Variants in ZBTB7C observed in about 807,000 individuals in gnomAD.
The protein encoded by ZBTB7C is zinc finger and BTB domain-containing protein 7C.
A neutral mutation model predicts 25.7 loss-of-function variants in ZBTB7C; 8 were observed. That is an observed-to-expected ratio of 0.31 (90% CI 0.18 to 0.56). The LOEUF (loss-of-function observed/expected upper bound fraction) is 0.56. ZBTB7C is among the 20% of genes least tolerant of loss of function. The pLI, the probability that ZBTB7C is intolerant of heterozygous loss-of-function variation, is 0.91. For synonymous variants in ZBTB7C, 394 were observed against 369.0 expected, an observed-to-expected ratio of 1.07 and a Z score of -0.78; for missense variants, 824 against 855.2, an observed-to-expected ratio of 0.96 and a Z score of 0.46.
intron 3 of ZBTB7C, among the ~76,000 whole-genome samples, chr18:48,131,639 T>C (rs1303373655): frequency 6.6e-6 from 1 of 152,110 alleles, no homozygotes; most frequent in Non-Finnish European, 1.5e-5. Flanking sequence ...CAGCATGAAA[T>C]AGAGTACTCA....
At chr18:48,224,577 G>A (rs375178514) in intron 2 of ZBTB7C, among the ~76,000 whole-genome samples, 1 of 152,142 alleles carries the variant, frequency 6.6e-6, no homozygotes, top group Non-Finnish European at 1.5e-5. Flanking sequence ...GCAAACCATG[G>A]TAAGAACAGA....
chr18:48,411,254 G>A (rs62086554), upstream of ZBTB7C, among the ~76,000 whole-genome samples: 1 of 112,606 alleles, frequency 8.9e-6, no homozygotes, highest in Non-Finnish European at 2.2e-5. Context: ...TTCCTACTAA[G>A]TAAATTTCAC....
intron 2 of ZBTB7C, among the ~76,000 whole-genome samples, chr18:48,248,349 C>A (rs893330582): frequency 1.3e-5 from 2 of 152,180 alleles, no homozygotes; most frequent in Non-Finnish European, 2.9e-5. Context: ...AGTGAGAGAA[C>A]AAACTAATAC....
At chr18:48,199,199 G>A (rs868466065) in intron 2 of ZBTB7C, among the ~76,000 whole-genome samples, 1 of 152,108 alleles carries the variant, frequency 6.6e-6, no homozygotes, top group African/African-American at 2.4e-5. Flanking sequence ...CCACAATGAT[G>A]TGCCCCGTTG....
chr18:48,290,806 C>T (rs2045205488), intron 2 of ZBTB7C, among the ~76,000 whole-genome samples: 2 of 152,230 alleles, frequency 1.3e-5, no homozygotes, highest in Admixed American at 1.3e-4. Context: ...AAAGCCACCC[C>T]TCCTGCCACC....
chr18:48,325,709 T>C (rs2046202024), intron 2 of ZBTB7C, among the ~76,000 whole-genome samples: 1 of 152,198 alleles, frequency 6.6e-6, no homozygotes, highest in Admixed American at 6.5e-5. Context: ...ACAGTGTGCA[T>C]AACATCATTT....
chr18:48,180,618 G>C (rs907660380), intron 3 of ZBTB7C: 3 of 307,272 alleles, frequency 9.8e-6, no homozygotes, highest in Non-Finnish European at 1.9e-5. Flanking sequence ...GCCAGACAAG[G>C]GCAAGTAAGT....
chr18:48,079,730 G>A (rs534770482), intron 3 of ZBTB7C, among the ~76,000 whole-genome samples: 13 of 152,226 alleles, frequency 8.5e-5, no homozygotes, highest in Non-Finnish European at 1.6e-4. Flanking sequence ...GCTCCAGCCC[G>A]CTGGAAAGGC....
chr18:48,090,939 C>T (rs1054199598), intron 3 of ZBTB7C, among the ~76,000 whole-genome samples: 2 of 152,020 alleles, frequency 1.3e-5, no homozygotes, highest in African/African-American at 4.8e-5. Context: ...ACAGAACTGT[C>T]CAATAGAAAT....
intron 3 of ZBTB7C, among the ~76,000 whole-genome samples, chr18:48,159,944 C>G (rs1465946053): frequency 1.3e-5 from 2 of 152,228 alleles, no homozygotes; most frequent in African/African-American, 2.4e-5. Context: ...CGCAGGATGA[C>G]AAGAACCCCT....
At chr18:48,075,206 G>A (rs976564015) in intron 3 of ZBTB7C, among the ~76,000 whole-genome samples, 6 of 152,202 alleles carry the variant, frequency 3.9e-5, no homozygotes, top group Admixed American at 1.3e-4. Context: ...AATGTGCTGG[G>A]TAGATGGCAC....
At chr18:48,362,245 TC>T (rs1301517922) in intron 1 of ZBTB7C, among the ~76,000 whole-genome samples, 4 of 152,168 alleles carry the variant, frequency 2.6e-5, no homozygotes, top group African/African-American at 9.7e-5. Context: ...GAGCTGACAG[TC>T]CCTTTTCTCC....
chr18:48,367,196 TATATATAC>T (rs1286471867), intron 1 of ZBTB7C, among the ~76,000 whole-genome samples: 4 of 57,472 alleles, frequency 7.0e-5, no homozygotes, highest in African/African-American at 6.7e-5. Flanking sequence ...TATATATATA[TATATATAC>T]ACACACACAC....
intron 3 of ZBTB7C, among the ~76,000 whole-genome samples, chr18:48,062,863 G>A (rs1192993118): frequency 6.6e-6 from 1 of 152,232 alleles, no homozygotes; most frequent in Non-Finnish European, 1.5e-5. Context: ...AGAAAGCTCA[G>A]CTTGAGCTCT....
intron 3 of ZBTB7C, among the ~76,000 whole-genome samples, chr18:48,083,234 A>G (rs2144499424): frequency 6.6e-6 from 1 of 152,274 alleles, no homozygotes; most frequent in Non-Finnish European, 1.5e-5. Context: ...CAAACTATCC[A>G]TAATAGAGCA....
intron 2 of ZBTB7C, among the ~76,000 whole-genome samples, chr18:48,229,871 T>C (rs2043206176): frequency 6.6e-6 from 1 of 152,042 alleles, no homozygotes; most frequent in Non-Finnish European, 1.5e-5. Flanking sequence ...GAACAAGGCT[T>C]TCCTTTTGGC....
chr18:48,245,500 A>AAG (rs1248485062), intron 2 of ZBTB7C, among the ~76,000 whole-genome samples: 2 of 58,936 alleles, frequency 3.4e-5, no homozygotes, highest in Non-Finnish European at 6.8e-5. Context: ...ACACCAAAAA[A>AAG]AAAAAAAGAA....
At chr18:48,125,963 G>C (rs752101523) in intron 3 of ZBTB7C, among the ~76,000 whole-genome samples, 1 of 152,206 alleles carries the variant, frequency 6.6e-6, no homozygotes, top group Non-Finnish European at 1.5e-5. Context: ...GAGCTGGCAT[G>C]CTGGCGGCAG....
At position 48,279,417 on chromosome 18, in the gene ZBTB7C, C is replaced by T. The variant is rs546873400; in HGVS notation, c.-79+58757G>A. On this transcript the variant is annotated intron_variant, in intron 2 of 4. Coordinates refer to ENST00000590800, the MANE Select transcript of ZBTB7C (RefSeq NM_001318841.2). ...CACACAAAGCTTCAGGCAAGTCTGG[C>T]ATCCCCTCACATTTGGCTTTAGGCA... is the stretch of plus-strand genomic sequence containing the variant. 2.0e-5 allele frequency among the ~76,000 whole-genome samples: 3 copies of T among 152,354 alleles called. No individual in the cohort carries two copies. In the East Asian group the frequency reaches 5.8e-4, roughly 29 times the overall value.
Sources: gnomAD v4.1 joint callset for allele counts (sites outside exome capture counted in the v4.1 genomes callset) on GRCh38, gnomAD v4.1.1 for gene constraint, MANE v1.5 for transcripts, NCBI Gene and HGNC (gene_info 2026-07-23, HGNC 2026-07-21) for gene names.